Variants in KAZN observed in about 807,000 individuals in gnomAD.
The protein encoded by KAZN is kazrin, periplakin interacting protein, also known as kazrin.
Under a neutral mutation model 87.4 loss-of-function variants are expected in KAZN, and 40 were observed. The observed-to-expected ratio is 0.46, with a 90% CI of 0.36 to 0.60. The LOEUF is 0.60. KAZN is among the 20% of genes least tolerant of loss of function. The probability of loss-of-function intolerance (pLI) is 0.00; values close to 1 mark genes in which losing one functional copy is unlikely to be tolerated. For missense variants in KAZN, 898 were observed against 1,073.9 expected, an observed-to-expected ratio of 0.84 and a Z score of 2.29; for synonymous variants, 466 against 458.3, an observed-to-expected ratio of 1.02 and a Z score of -0.22.
intron 2 of KAZN, among the ~76,000 whole-genome samples, chr1:14,559,273 C>T (rs1041823483): frequency 7.2e-5 from 11 of 152,136 alleles, no homozygotes; most frequent in South Asian, 6.2e-4. Context: ...AGGTGTTTGA[C>T]GGCAAATGCA....
intron 1 of KAZN, among the ~76,000 whole-genome samples, chr1:14,118,292 C>A (rs1442517223): frequency 6.6e-6 from 1 of 152,138 alleles, no homozygotes; most frequent in Non-Finnish European, 1.5e-5. Context: ...TCAGTAGGGG[C>A]CAAGGCTCTA....
In KAZN at chr1:14,406,200, C is replaced by T. The variant is rs550033343; in HGVS notation, c.250-192783C>T. ...ACATTGCGTGCCCGTCTCAAAACAT[C>T]TCAGGTACCCCCTACATATATACAT... On this transcript the variant is annotated intron_variant, in intron 2 of 16. Coordinates refer to the KAZN transcript ENST00000636203. Among the ~76,000 whole-genome samples, 12 of 152,268 alleles carry T rather than the reference C, an allele frequency of 7.9e-5. No individual in the cohort carries two copies. The South Asian group carries it at 2.5e-3, about 32-fold the overall frequency.
At chr1:14,763,809 G>A (rs547731655) in intron 1 of KAZN, among the ~76,000 whole-genome samples, 53 of 152,296 alleles carry the variant, frequency 3.5e-4, no homozygotes, top group African/African-American at 1.2e-3. Flanking sequence ...CAGTGCAATG[G>A]CACGATCTTG....
chr1:14,826,977 T>C (rs1557530031), intron 1 of KAZN, among the ~76,000 whole-genome samples: 1 of 152,156 alleles, frequency 6.6e-6, no homozygotes, highest in Non-Finnish European at 1.5e-5. Flanking sequence ...GTGTCTGTGT[T>C]TGTGCTCTTG....
At chr1:14,942,840 C>T (rs989315462) in intron 1 of KAZN, among the ~76,000 whole-genome samples, 28 of 152,100 alleles carry the variant, frequency 1.8e-4, no homozygotes, top group African/African-American at 6.5e-4. Flanking sequence ...CTTCTCTGTA[C>T]AAGAGATTTC....
chr1:14,745,262 GAAA>G (rs528235060), intron 1 of KAZN, among the ~76,000 whole-genome samples: 1 of 99,324 alleles, frequency 1.0e-5, no homozygotes, highest in African/African-American at 3.4e-5. Flanking sequence ...AGAAAAAAAG[GAAA>G]AAAAAAAAAA....
intron 1 of KAZN, among the ~76,000 whole-genome samples, chr1:14,104,051 C>T (rs138481195): frequency 6.6e-5 from 10 of 152,216 alleles, no homozygotes; most frequent in East Asian, 5.8e-4. Context: ...CTGGAGACAG[C>T]GAAGACACTG....
At chr1:14,029,874 G>A (rs989463976) in intron 1 of KAZN, among the ~76,000 whole-genome samples, 42 of 152,276 alleles carry the variant, frequency 2.8e-4, no homozygotes, top group Non-Finnish European at 4.3e-4. Flanking sequence ...TTCGGTTACT[G>A]TAGCCTTGTA....
intron 1 of KAZN, among the ~76,000 whole-genome samples, chr1:14,150,400 A>T (rs1645446639): frequency 6.6e-6 from 1 of 152,194 alleles, no homozygotes; most frequent in African/African-American, 2.4e-5. Context: ...AAACAGTAAG[A>T]GTTGTCTCTG....
At chr1:14,889,963 C>A (rs1247674637) in intron 1 of KAZN, among the ~76,000 whole-genome samples, 1 of 152,178 alleles carries the variant, frequency 6.6e-6, no homozygotes, top group Non-Finnish European at 1.5e-5. Context: ...AGAAGTACCT[C>A]GTACGCTCGA....
chr1:14,669,719 C>T (rs541764167), intron 1 of KAZN, among the ~76,000 whole-genome samples: 25 of 152,126 alleles, frequency 1.6e-4, no homozygotes, highest in Non-Finnish European at 1.5e-4. Context: ...TGCATTCCAG[C>T]CTTGGTGACA....
At chr1:14,697,140 CAAAAAAA>C (rs1172632955) in intron 1 of KAZN, among the ~76,000 whole-genome samples, 5 of 67,788 alleles carry the variant, frequency 7.4e-5, no homozygotes, top group Non-Finnish European at 1.4e-4. Context: ...AACAAACCAA[CAAAAAAA>C]AAAAAAAAAA....
At chr1:15,025,812 G>A (rs1276476497) in intron 2 of KAZN, among the ~76,000 whole-genome samples, 3 of 152,182 alleles carry the variant, frequency 2.0e-5, no homozygotes, top group Non-Finnish European at 2.9e-5. Flanking sequence ...GTGGTGAGAA[G>A]ATAAAGGAAA....
At chr1:14,950,091 C>T (rs1483555223) in intron 1 of KAZN, among the ~76,000 whole-genome samples, 3 of 152,136 alleles carry the variant, frequency 2.0e-5, no homozygotes, top group Admixed American at 6.5e-5. Context: ...TCCACACCCA[C>T]CCGTAGTAAG....
intron 1 of KAZN, among the ~76,000 whole-genome samples, chr1:14,730,062 G>GTT (rs1643606262): frequency 6.6e-6 from 1 of 152,274 alleles, no homozygotes; most frequent in South Asian, 2.1e-4. Flanking sequence ...TACAGAAAGA[G>GTT]TTTGCTGGTC....
intron 1 of KAZN, among the ~76,000 whole-genome samples, chr1:14,051,860 AAAC>A (rs371042781): frequency 4.6e-5 from 7 of 152,238 alleles, no homozygotes; most frequent in South Asian, 2.1e-4. Context: ...CCAACCAACC[AAAC>A]AACAACAACA....
At chr1:14,611,516 A>G (rs890256664) in intron 1 of KAZN, among the ~76,000 whole-genome samples, 3 of 152,062 alleles carry the variant, frequency 2.0e-5, no homozygotes, top group South Asian at 2.1e-4. Flanking sequence ...GTGAGACGCT[A>G]TCTCTACAAA....
rs190837773 is a variant in KAZN at position 14,362,006 on chromosome 1, C to T, written c.249+181414C>T. ...ATGGGAACAAGGAAAGGTCCTGTAG[C>T]CAGGGGGTCAATGGCACATTTCAGA... is the stretch of plus-strand genomic sequence containing the variant. On this transcript the variant is annotated intron_variant, in intron 2 of 16. Transcript: ENST00000636203. Among the ~76,000 whole-genome samples the T allele has an allele frequency of 2.3e-3, 351 of 152,222 alleles. 2 individuals carry two copies. The highest frequency in any genetic ancestry group is 8.9e-3 in the South Asian group (43 of 4,820).
At position 14,016,173 on chromosome 1, in the gene KAZN, C is replaced by T. The variant is rs192217389; in HGVS notation, c.91+122417C>T. 7.6e-4 allele frequency among the ~76,000 whole-genome samples: 116 copies of T among 152,198 alleles called. 1 individual carries two copies. Among genetic ancestry groups the T allele is most frequent in the African/African-American group, 2.8e-3 (116 of 41,534 alleles). On this transcript the variant is annotated intron_variant, in intron 1 of 16. Transcript: ENST00000636203. Reference sequence around the variant, plus strand: ...CTCATTTCTTTTCTCTCCCAATGCACGAAGCATTGCCAAAGCCTGGTGTTA... The same window carrying T: ...CTCATTTCTTTTCTCTCCCAATGCATGAAGCATTGCCAAAGCCTGGTGTTA...
Sources: gnomAD v4.1 joint callset for allele counts (sites outside exome capture counted in the v4.1 genomes callset) on GRCh38, gnomAD v4.1.1 for gene constraint, MANE v1.5 for transcripts, NCBI Gene and HGNC (gene_info 2026-07-23, HGNC 2026-07-21) for gene names.